Variants in SUPT3H observed in about 807,000 individuals in gnomAD.
SUPT3H encodes SPT3 homolog, SAGA and STAGA complex component.
A neutral mutation model predicts 44.3 loss-of-function variants in SUPT3H; 44 were observed. The ratio of observed to expected loss-of-function variants is 0.99; its 90% CI spans 0.78 to 1.28. SUPT3H has a LOEUF of 1.28. Ranked by LOEUF, SUPT3H falls within the 50% of genes most tolerant of loss-of-function variation. SUPT3H has a pLI of 0.00. For synonymous variants in SUPT3H, 124 were observed against 125.6 expected (o/e 0.99, Z 0.09); for missense variants, 380 against 387.1 (o/e 0.98, Z 0.15).
chr6:45,074,824 T>C (rs1397097717), intron 3 of SUPT3H, among the ~76,000 whole-genome samples: 2 of 152,108 alleles, frequency 1.3e-5, no homozygotes, highest in Non-Finnish European at 2.9e-5. Flanking sequence ...TGTATACAAA[T>C]ATGTGTATTT....
At chr6:45,055,588 A>G (rs1158910048) in intron 3 of SUPT3H, among the ~76,000 whole-genome samples, 1 of 152,196 alleles carries the variant, frequency 6.6e-6, no homozygotes, top group African/African-American at 2.4e-5. Context: ...ACCCTATTCA[A>G]CAAATGGTGC....
chr6:44,831,290 G>T (rs1220921138), intron 10 of SUPT3H, among the ~76,000 whole-genome samples: 1 of 152,276 alleles, frequency 6.6e-6, no homozygotes, highest in Non-Finnish European at 1.5e-5. Context: ...CTGTGAGCTT[G>T]TTCTTTACCA....
chr6:45,093,246 G>C (rs1020989005), intron 3 of SUPT3H, among the ~76,000 whole-genome samples: 1 of 152,006 alleles, frequency 6.6e-6, no homozygotes, highest in African/African-American at 2.4e-5. Context: ...ATAAAAAATA[G>C]GATAAATTCA....
intron 1 of SUPT3H, among the ~76,000 whole-genome samples, chr6:45,366,307 C>T (rs527274992): frequency 2.1e-4 from 32 of 152,284 alleles, no homozygotes; most frequent in African/African-American, 6.0e-4. Flanking sequence ...ATCCCAGCTC[C>T]GCTCCTTTGC....
At chr6:45,313,305 T>C (rs968916373) in intron 2 of SUPT3H, among the ~76,000 whole-genome samples, 6 of 150,652 alleles carry the variant, frequency 4.0e-5, no homozygotes. Context: ...CTAAACAAAA[T>C]TGAAACAAAC....
chr6:45,110,520 CA>C (rs920999142), intron 2 of SUPT3H, among the ~76,000 whole-genome samples: 5 of 151,538 alleles, frequency 3.3e-5, no homozygotes, highest in African/African-American at 1.2e-4. Flanking sequence ...ATTTTGCTCT[CA>C]AAAAACAACA....
intron 9 of SUPT3H, among the ~76,000 whole-genome samples, chr6:44,951,217 T>C (rs1483368774): frequency 6.6e-6 from 1 of 151,368 alleles, no homozygotes; most frequent in South Asian, 2.1e-4. Context: ...CTAAAGTCTT[T>C]GACTGCAACT....
chr6:45,183,306 T>TG (rs942827828), intron 2 of SUPT3H, among the ~76,000 whole-genome samples: 8 of 152,218 alleles, frequency 5.3e-5, no homozygotes, highest in African/African-American at 1.7e-4. Flanking sequence ...TACCAAAAGC[T>TG]GGGGGGAGAG....
chr6:44,928,882 C>CAAAAAAAAAAAAAAAAAAAAAA (rs35656937), intron 10 of SUPT3H, among the ~76,000 whole-genome samples: 5 of 20,614 alleles, frequency 2.4e-4, no homozygotes, highest in African/African-American at 3.2e-4. Flanking sequence ...GACTCCGTCT[C>CAAAAAAAAAAAAAAAAAAAAAA]AAAAAAAAAA....
rs747851226 is a variant in SUPT3H, at chr6:45,329,314, T to C, written c.101+35887A>G. On this transcript the variant is annotated intron_variant, in intron 2 of 10. Coordinates refer to ENST00000371459, the MANE Select transcript of SUPT3H (RefSeq NM_003599.4). Reference sequence around the variant, plus strand: ...CCAGCTCAACTAAAAGAAATCTACTTATAAATTCAAACTGTATCCTATCTA... The same window carrying C: ...CCAGCTCAACTAAAAGAAATCTACTCATAAATTCAAACTGTATCCTATCTA... 1.1e-3 allele frequency among the ~76,000 whole-genome samples: 169 copies of C among 152,090 alleles called. 2 individuals carry two copies. The highest frequency in any genetic ancestry group is 0.01 in the Middle Eastern group (3 of 294).
chr6:45,154,087 A>AAAAAAAAAAAAAAGAC (rs70996303), intron 2 of SUPT3H, among the ~76,000 whole-genome samples: 1 of 114,596 alleles, frequency 8.7e-6, no homozygotes, highest in Non-Finnish European at 1.8e-5. Flanking sequence ...AAAAAAAAAA[A>AAAAAAAAAAAAAAGAC]AGCGCTTAGT....
chr6:45,054,349 G>A (rs72867485), intron 3 of SUPT3H, among the ~76,000 whole-genome samples: 2,218 of 152,232 alleles, frequency 0.015, 26 homozygotes, highest in South Asian at 0.029. Flanking sequence ...GGGATACAGA[G>A]AAGACTGAAC....
At chr6:45,137,975 G>C (rs1804583114) in intron 2 of SUPT3H, among the ~76,000 whole-genome samples, 1 of 151,988 alleles carries the variant, frequency 6.6e-6, no homozygotes, top group South Asian at 2.1e-4. Flanking sequence ...ATATCTGAAG[G>C]ACTTGTACTC....
chr6:45,234,825 T>G (rs1768788489), intron 2 of SUPT3H, among the ~76,000 whole-genome samples: 1 of 152,172 alleles, frequency 6.6e-6, no homozygotes, highest in Admixed American at 6.5e-5. Context: ...AGATCTCTGC[T>G]GATCAGAAAC....
At chr6:45,087,154 A>G (rs1796572894) in intron 3 of SUPT3H, among the ~76,000 whole-genome samples, 1 of 151,932 alleles carries the variant, frequency 6.6e-6, no homozygotes, top group Non-Finnish European at 1.5e-5. Context: ...TTTGAAGAAA[A>G]TTCTACTTTT....
At chr6:44,977,743 AT>A (rs1439389748) in intron 6 of SUPT3H, among the ~76,000 whole-genome samples, 2 of 152,120 alleles carry the variant, frequency 1.3e-5, no homozygotes, top group African/African-American at 4.8e-5. Flanking sequence ...CAGATATAAA[AT>A]TTTCTATCTG....
intron 2 of SUPT3H, among the ~76,000 whole-genome samples, chr6:45,182,155 T>G (rs1813372262): frequency 6.6e-6 from 1 of 152,204 alleles, no homozygotes; most frequent in Admixed American, 6.5e-5. Flanking sequence ...TGTAACAAAA[T>G]TCCAACGTTT....
At chr6:45,282,221 G>C (rs898820745) in intron 2 of SUPT3H, among the ~76,000 whole-genome samples, 10 of 152,214 alleles carry the variant, frequency 6.6e-5, no homozygotes, top group African/African-American at 2.2e-4. Context: ...ACCAGCAACA[G>C]AGCAAAGCTG....
chr6:45,074,338 TG>T (rs1196824470), intron 3 of SUPT3H, among the ~76,000 whole-genome samples: 7 of 152,014 alleles, frequency 4.6e-5, no homozygotes, highest in Non-Finnish European at 1.0e-4. Flanking sequence ...TCTTGACCTT[TG>T]GGTATGCAAA....
Sources: allele counts gnomAD v4.1 joint callset (sites outside exome capture counted in the v4.1 genomes callset), GRCh38; gene constraint gnomAD v4.1.1; transcripts MANE v1.5; gene names NCBI Gene and HGNC (gene_info 2026-07-23, HGNC 2026-07-21).